EYA2: variants seen among roughly 807,000 people sequenced by gnomAD.
EYA2 encodes EYA transcriptional coactivator and phosphatase 2.
EYA2 carries 31 observed loss-of-function variants against 69.2 expected under a neutral mutation model. The ratio of observed to expected loss-of-function variants is 0.45; its 90% CI spans 0.34 to 0.60. The LOEUF (loss-of-function observed/expected upper bound fraction) is 0.60. Ranked by LOEUF, EYA2 falls within the 20% of genes least tolerant of loss-of-function variation. The pLI is 0.02. For missense variants in EYA2, 622 were observed against 701.2 expected (o/e 0.89, Z 1.28); for synonymous variants, 257 against 279.4 (o/e 0.92, Z 0.80).
At chr20:46,929,799 C>G (rs547062444) in intron 1 of EYA2, among the ~76,000 whole-genome samples, 15 of 151,714 alleles carry the variant, frequency 9.9e-5, no homozygotes, top group Non-Finnish European at 1.9e-4. Context: ...TTGAGCCCAG[C>G]CTGGCCAACA....
In EYA2 at chr20:46,908,870, C is replaced by CTTT. The variant is rs56834738; in HGVS notation, c.-11+13918_-11+13920dup. Among the ~76,000 whole-genome samples the CTTT allele has an allele frequency of 5.2e-3, 248 of 47,578 alleles. 62 individuals are homozygous for CTTT. Among genetic ancestry groups the CTTT allele is most frequent in the East Asian group, 0.025 (20 of 806 alleles). The allele number at this position is 47,578 out of a possible 152,430, so 31.2% of individuals were successfully genotyped here. A position where few individuals can be genotyped will look rare whatever the true frequency, so the allele number is the denominator to read the frequency against. On this transcript the variant is annotated intron_variant, in intron 1 of 15. Coordinates refer to ENST00000327619, the MANE Select transcript of EYA2 (RefSeq NM_005244.5). ...AAAGGCACTAAGCCTCTCTCCCGCA[C>CTTT]TTTTTTTTTTTTTTTTTTTTTTTTT...
At chr20:46,954,198 A>G (rs1042426212) in intron 1 of EYA2, among the ~76,000 whole-genome samples, 4 of 152,212 alleles carry the variant, frequency 2.6e-5, no homozygotes, top group African/African-American at 9.6e-5. Flanking sequence ...TCACCCTGTC[A>G]TGAATATTTA....
At chr20:46,924,411 C>G (rs1232921661) in intron 1 of EYA2, among the ~76,000 whole-genome samples, 1 of 152,144 alleles carries the variant, frequency 6.6e-6, no homozygotes, top group Non-Finnish European at 1.5e-5. Context: ...TGGCTCACGC[C>G]TGTAATCCCA....
At chr20:46,911,721 C>G (rs1984651953) in intron 1 of EYA2, among the ~76,000 whole-genome samples, 1 of 152,036 alleles carries the variant, frequency 6.6e-6, no homozygotes, top group African/African-American at 2.4e-5. Flanking sequence ...CATGTTCCCA[C>G]TTGTGTGTGG....
chr20:47,112,182 G>A (rs765157419), intron 9 of EYA2, among the ~76,000 whole-genome samples: 1 of 152,126 alleles, frequency 6.6e-6, no homozygotes, highest in African/African-American at 2.4e-5. Context: ...GAGGAAAAGA[G>A]AATGAGAAGG....
chr20:47,162,557 A>C, intron 10 of EYA2, among the ~76,000 whole-genome samples: 1 of 128,650 alleles, frequency 7.8e-6, no homozygotes, highest in Non-Finnish European at 1.6e-5. Flanking sequence ...TCGCCCTGTC[A>C]CCCAGGCTGA....
At chr20:47,001,557 G>C (rs1016285028) in intron 3 of EYA2, 84 bp downstream of exon 3, 1 of 1,401,574 alleles carries the variant, frequency 7.1e-7, no homozygotes, top group Non-Finnish European at 1.0e-6. Flanking sequence ...GAGGGCCCTG[G>C]AGCCAGATTC....
chr20:46,943,213 G>C (rs1048728684), intron 1 of EYA2, among the ~76,000 whole-genome samples: 3 of 152,192 alleles, frequency 2.0e-5, no homozygotes, highest in African/African-American at 7.2e-5. Flanking sequence ...AGAGGTCAGG[G>C]TTGCTGCCAA....
At chr20:47,167,879 G>A (rs540966788) in intron 10 of EYA2, among the ~76,000 whole-genome samples, 5 of 152,178 alleles carry the variant, frequency 3.3e-5, no homozygotes, top group South Asian at 2.1e-4. Context: ...TTCGTTATTC[G>A]GCCCAGCACA....
intron 5 of EYA2, among the ~76,000 whole-genome samples, chr20:47,043,320 C>T (rs1407211075): frequency 2.0e-5 from 3 of 152,058 alleles, no homozygotes; most frequent in Admixed American, 6.6e-5. Flanking sequence ...AGGGGACCCA[C>T]GGAAAGGGAA....
intron 11 of EYA2, 123 bp from the exon 12 acceptor site, chr20:47,172,584 A>G: frequency 1.1e-6 from 1 of 946,640 alleles, no homozygotes; most frequent in Non-Finnish European, 1.6e-6. Flanking sequence ...CACCCTGTGC[A>G]TTTCGAGGGG....
rs768069733 is a variant in EYA2, at chr20:47,049,251, G to A, written c.416-22934G>A. On this transcript the variant is annotated intron_variant, in intron 5 of 15. Coordinates refer to ENST00000327619, the MANE Select transcript of EYA2 (RefSeq NM_005244.5). Reference sequence around the variant, plus strand: ...AATGTGAACCTCTTACATAACCATCGGGCAGTGATCAGAACTAGAAAAATG... The same window carrying A: ...AATGTGAACCTCTTACATAACCATCAGGCAGTGATCAGAACTAGAAAAATG... Among the ~76,000 whole-genome samples, 14 of 152,118 alleles carry A rather than the reference G, an allele frequency of 9.2e-5. 1 individual carries two copies. Among genetic ancestry groups the A allele is most frequent in the African/African-American group, 2.9e-4 (12 of 41,406 alleles).
At chr20:46,955,206 G>A (rs533191680) in intron 1 of EYA2, among the ~76,000 whole-genome samples, 8 of 150,190 alleles carry the variant, frequency 5.3e-5, no homozygotes, top group East Asian at 3.9e-4. Flanking sequence ...GCGCGATCTC[G>A]GCTCACCGCA....
chr20:46,954,721 A>G (rs184883464), intron 1 of EYA2, among the ~76,000 whole-genome samples: 181 of 152,192 alleles, frequency 1.2e-3, no homozygotes, highest in African/African-American at 4.0e-3. Context: ...ACCGATAGCC[A>G]CCTCTCCTCA....
intron 3 of EYA2, 27 bp downstream of exon 3, chr20:47,001,500 T>G (rs767848207): frequency 1.9e-6 from 3 of 1,611,860 alleles, no homozygotes; most frequent in Non-Finnish European, 1.7e-6. Flanking sequence ...TGTCTCCTGC[T>G]CACATGCCCA....
At position 47,071,924 on chromosome 20, in the gene EYA2, C is replaced by T. The variant is rs114781853; in HGVS notation, c.416-261C>T. On this transcript the variant is annotated intron_variant, in intron 5 of 15. Transcript: ENST00000327619. ...GGGGTCACGTGAGCCATAGCCACGG[C>T]CGCATCAGCAAGCACTTGGAAGCAC... 1,040 of 492,616 alleles carry T rather than the reference C, an allele frequency of 2.1e-3. 10 individuals carry two copies. The highest frequency in any genetic ancestry group is 0.018 in the African/African-American group (941 of 51,968). 30.5% of individuals were successfully genotyped at this position (492,616 alleles called of 1,614,324 possible). A position where few individuals can be genotyped will look rare whatever the true frequency, so the allele number is the denominator to read the frequency against.
chr20:46,906,066 T>C (rs1348562474), intron 1 of EYA2, among the ~76,000 whole-genome samples: 2 of 152,190 alleles, frequency 1.3e-5, no homozygotes, highest in African/African-American at 2.4e-5. Flanking sequence ...ATGGACATTT[T>C]TTTTCTTTAG....
chr20:46,938,984 A>C (rs1448186416), intron 1 of EYA2, among the ~76,000 whole-genome samples: 1 of 152,128 alleles, frequency 6.6e-6, no homozygotes, highest in Non-Finnish European at 1.5e-5. Context: ...TGTCTCAATA[A>C]TGTCTTTTTT....
chr20:47,180,979 G>A (rs773253202), intron 14 of EYA2, 43 bp downstream of exon 14: 7 of 1,596,420 alleles, frequency 4.4e-6, no homozygotes, highest in African/African-American at 1.3e-5. Flanking sequence ...GGGTTGGAGG[G>A]TGGGGTTAGC....
Sources: gnomAD v4.1 joint callset for allele counts (sites outside exome capture counted in the v4.1 genomes callset) on GRCh38, gnomAD v4.1.1 for gene constraint, MANE v1.5 for transcripts, NCBI Gene and HGNC (gene_info 2026-07-23, HGNC 2026-07-21) for gene names.